Variants in OSBPL9 observed in about 807,000 individuals in gnomAD.
The protein encoded by OSBPL9 is oxysterol-binding protein-related protein 9.
In OSBPL9, 40 loss-of-function variants were observed where a neutral mutation model predicts 106.6. The ratio of observed to expected loss-of-function variants is 0.38; its 90% CI spans 0.29 to 0.49. The LOEUF (loss-of-function observed/expected upper bound fraction) is 0.49. OSBPL9 is among the 20% of genes least tolerant of loss of function. The pLI, the probability that OSBPL9 is intolerant of heterozygous loss-of-function variation, is 0.97. For missense variants in OSBPL9, 609 were observed against 887.2 expected (o/e 0.69, Z 3.98); for synonymous variants, 269 against 295.4 (o/e 0.91, Z 0.92).
At chr1:51,546,649 A>G in the OSBPL9 span, among the ~76,000 whole-genome samples, 1 of 151,740 alleles carries the variant, frequency 6.6e-6, no homozygotes, top group African/African-American at 2.4e-5. Flanking sequence ...GTGAGCCGAG[A>G]TCGTGCCACT....
intron 3 of OSBPL9, among the ~76,000 whole-genome samples, chr1:51,686,868 GAAAC>G (rs1653919961): frequency 6.6e-6 from 1 of 152,174 alleles, no homozygotes; most frequent in Non-Finnish European, 1.5e-5. Context: ...ATTGTTGAAG[GAAAC>G]AAACCAATAT....
At chr1:51,715,171 A>G (rs1195325294) in intron 4 of OSBPL9, among the ~76,000 whole-genome samples, 10 of 152,212 alleles carry the variant, frequency 6.6e-5, no homozygotes, top group Non-Finnish European at 1.2e-4. Flanking sequence ...TAGGCCCTAC[A>G]AGATAGTAAA....
chr1:51,574,690 A>G (rs942432158), upstream of OSBPL9, among the ~76,000 whole-genome samples: 4 of 152,188 alleles, frequency 2.6e-5, no homozygotes. Flanking sequence ...AAACAAAAGA[A>G]AGGCATGAAA....
At chr1:51,587,586 T>A (rs1645252989) in intron 1 of OSBPL9, among the ~76,000 whole-genome samples, 1 of 152,222 alleles carries the variant, frequency 6.6e-6, no homozygotes, top group African/African-American at 2.4e-5. Context: ...ACACTTCCTG[T>A]GTGCCAGGTA....
At chr1:51,565,364 T>G in the OSBPL9 span, among the ~76,000 whole-genome samples, 1 of 152,206 alleles carries the variant, frequency 6.6e-6, no homozygotes, top group Non-Finnish European at 1.5e-5. Context: ...ATTTCCTAAC[T>G]AACCACTGTG....
chr1:51,540,697 C>T, the OSBPL9 span, among the ~76,000 whole-genome samples: 20 of 149,984 alleles, frequency 1.3e-4, no homozygotes, highest in Admixed American at 8.0e-4. Flanking sequence ...TGGTGGCTCA[C>T]GCCTGTAATC....
chr1:51,784,721 CTT>C, intron 20 of OSBPL9, 139 bp downstream of exon 20: 1 of 1,034,656 alleles, frequency 9.7e-7, no homozygotes, highest in East Asian at 2.5e-5. Flanking sequence ...TGTGTCATGT[CTT>C]TTGCTGAAGT....
chr1:51,645,424 T>C (rs1646092713), intron 1 of OSBPL9, among the ~76,000 whole-genome samples: 1 of 152,056 alleles, frequency 6.6e-6, no homozygotes, highest in African/African-American at 2.4e-5. Flanking sequence ...TTGCAAATAT[T>C]TTCTCTCATT....
At chr1:51,665,008 C>T (rs1205732343) in intron 2 of OSBPL9, among the ~76,000 whole-genome samples, 6 of 152,188 alleles carry the variant, frequency 3.9e-5, no homozygotes, top group South Asian at 2.1e-4. Context: ...ATAAGATTCA[C>T]GGCAGTGTTA....
chr1:51,597,787 G>T (rs1394008715), intron 1 of OSBPL9, among the ~76,000 whole-genome samples: 2 of 152,192 alleles, frequency 1.3e-5, no homozygotes, highest in Non-Finnish European at 2.9e-5. Flanking sequence ...TTGCCCATTG[G>T]CAGGGTGGTC....
the OSBPL9 span, among the ~76,000 whole-genome samples, chr1:51,558,285 G>GA: frequency 0.37 from 55,309 of 147,714 alleles, 10,913 homozygotes; most frequent in African/African-American, 0.5. Context: ...GTCTCAAAAA[G>GA]AAAAAAAAAA....
At chr1:51,713,793 T>C (rs758719616) in intron 3 of OSBPL9, among the ~76,000 whole-genome samples, 7 of 152,220 alleles carry the variant, frequency 4.6e-5, no homozygotes, top group Non-Finnish European at 1.5e-5. Context: ...CCTGCTATTA[T>C]TGAACACAAT....
chr1:51,671,724 G>T (rs1005244396), intron 3 of OSBPL9, among the ~76,000 whole-genome samples: 1 of 152,150 alleles, frequency 6.6e-6, no homozygotes. Context: ...AGGTGAGGTT[G>T]CAGGGAGAGG....
the OSBPL9 span, among the ~76,000 whole-genome samples, chr1:51,522,360 T>G: frequency 6.6e-6 from 1 of 152,170 alleles, no homozygotes; most frequent in South Asian, 2.1e-4. Context: ...CCACTAGTAA[T>G]TTGTAGTGGC....
intron 2 of OSBPL9, among the ~76,000 whole-genome samples, chr1:51,664,036 C>A (rs994286093): frequency 6.6e-6 from 1 of 152,178 alleles, no homozygotes; most frequent in Non-Finnish European, 1.5e-5. Context: ...GGGAGTATAG[C>A]TGACACAACC....
chr1:51,655,310 G>GT (rs1646751665), intron 2 of OSBPL9, among the ~76,000 whole-genome samples: 1 of 152,018 alleles, frequency 6.6e-6, no homozygotes, highest in Non-Finnish European at 1.5e-5. Flanking sequence ...AGCCCTGTTT[G>GT]TTTTTTGTTT....
intron 4 of OSBPL9, chr1:51,745,061 G>A (rs1667705567): frequency 6.5e-6 from 1 of 154,904 alleles, no homozygotes; most frequent in Non-Finnish European, 1.4e-5. Context: ...GAGGAGGGAG[G>A]AAAACTTCAG....
the OSBPL9 span, among the ~76,000 whole-genome samples, chr1:51,548,548 C>A: frequency 6.6e-6 from 1 of 151,574 alleles, no homozygotes; most frequent in African/African-American, 2.4e-5. Context: ...CTCCACGATG[C>A]CCAGCTGATT....
At chr1:51,616,815 A>T (rs1472522863), upstream of OSBPL9, 9 of 285,824 alleles carry the variant, frequency 3.1e-5, no homozygotes, top group Non-Finnish European at 5.3e-5. Context: ...TATCATGGCC[A>T]GTAAAATTAT....
Sources: gnomAD v4.1 joint callset for allele counts (sites outside exome capture counted in the v4.1 genomes callset) on GRCh38, gnomAD v4.1.1 for gene constraint, MANE v1.5 for transcripts, NCBI Gene and HGNC (gene_info 2026-07-23, HGNC 2026-07-21) for gene names.